BBS9: variants seen among roughly 807,000 people sequenced by gnomAD.
BBS9 encodes the protein Bardet-Biedl syndrome 9, also known as protein PTHB1.
A neutral mutation model predicts 117.7 loss-of-function variants in BBS9; 89 were observed. The observed-to-expected ratio is 0.76, with a 90% CI of 0.64 to 0.90. BBS9 has a LOEUF of 0.90. Among genes scored for constraint, BBS9 ranks in the 40% least tolerant of loss-of-function variants. The probability of loss-of-function intolerance (pLI) is 0.00; values close to 1 mark genes in which losing one functional copy is unlikely to be tolerated. For missense variants in BBS9, 982 were observed against 1,042.2 expected (o/e 0.94, Z 0.80); for synonymous variants, 379 against 370.9 (o/e 1.02, Z -0.25).
At chr7:33,291,507 AT>A (rs562067437) in intron 9 of BBS9, among the ~76,000 whole-genome samples, 5 of 152,056 alleles carry the variant, frequency 3.3e-5, no homozygotes, top group Non-Finnish European at 5.9e-5. Context: ...ATTTTGAATA[AT>A]TTTTTCAAGA....
intron 4 of BBS9, among the ~76,000 whole-genome samples, chr7:33,173,979 C>T (rs1796974737): frequency 6.6e-6 from 1 of 152,172 alleles, no homozygotes; most frequent in South Asian, 2.1e-4. Context: ...TTTATACCGC[C>T]TGCAATATTT....
chr7:33,234,129 A>G (rs1259307422), intron 5 of BBS9, among the ~76,000 whole-genome samples: 1 of 152,108 alleles, frequency 6.6e-6, no homozygotes, highest in African/African-American at 2.4e-5. Flanking sequence ...TTTGTGTTCA[A>G]TTAACCCTAA....
chr7:33,527,820 C>T (rs1314234774), intron 20 of BBS9, among the ~76,000 whole-genome samples: 1 of 152,084 alleles, frequency 6.6e-6, no homozygotes, highest in African/African-American at 2.4e-5. Context: ...CATTTTGAGC[C>T]CTCTTTGCAT....
chr7:33,414,822 G>C (rs971710924), intron 19 of BBS9, among the ~76,000 whole-genome samples: 1 of 145,502 alleles, frequency 6.9e-6, no homozygotes, highest in African/African-American at 2.6e-5. Flanking sequence ...TGTTGGGCCA[G>C]GTTCTGTGTA....
At chr7:33,214,365 GA>G (rs1168361768) in intron 5 of BBS9, among the ~76,000 whole-genome samples, 3 of 152,190 alleles carry the variant, frequency 2.0e-5, no homozygotes, top group African/African-American at 7.2e-5. Flanking sequence ...AGGCATCTGT[GA>G]TTCAAGACTG....
intron 9 of BBS9, among the ~76,000 whole-genome samples, chr7:33,304,486 C>A (rs377212094): frequency 6.7e-6 from 1 of 150,040 alleles, no homozygotes; most frequent in Non-Finnish European, 1.5e-5. Flanking sequence ...AAATGAGGAG[C>A]GCCTCTGCCT....
At position 33,349,097 on chromosome 7, in the gene BBS9, A is replaced by G. The variant is rs1265114143; in HGVS notation, c.1359A>G (p.Gln453=). 3 of 1,612,992 alleles carry G rather than the reference A, an allele frequency of 1.9e-6. No individual in the cohort carries two copies. Among genetic ancestry groups the G allele is most frequent in the East Asian group, 4.5e-5 (2 of 44,794 alleles). The change falls in exon 13 of 23, where the codon CAA becomes CAG. Residue 453 remains glutamine, a synonymous_variant. Transcript: ENST00000242067. ...KVTLQNRVIL[Q]KAKLSVYVQP... ...CACTGCAGAACAGAGTGATATTGCA[A>G]AAAGCCAAATTATCAGTCTACGTGC...
intron 9 of BBS9, among the ~76,000 whole-genome samples, chr7:33,303,097 G>A (rs1469560763): frequency 2.0e-5 from 3 of 152,094 alleles, no homozygotes; most frequent in Non-Finnish European, 4.4e-5. Flanking sequence ...AAATGCTACT[G>A]ATTTTTGTAT....
chr7:33,525,786 T>A (rs1381685469), intron 20 of BBS9, among the ~76,000 whole-genome samples: 1 of 137,544 alleles, frequency 7.3e-6, no homozygotes, highest in East Asian at 2.1e-4. Context: ...TTTGATCCTG[T>A]CATTATGATG....
chr7:33,466,063 G>GATAT (rs1341522312), intron 19 of BBS9, among the ~76,000 whole-genome samples: 3 of 151,604 alleles, frequency 2.0e-5, no homozygotes, highest in Non-Finnish European at 4.4e-5. Context: ...TTTTGAGAGA[G>GATAT]AGATATATAT....
chr7:33,534,320 C>T, intron 21 of BBS9, 144 bp downstream of exon 21: 1 of 821,040 alleles, frequency 1.2e-6, no homozygotes, highest in Non-Finnish European at 2.0e-6. Flanking sequence ...CCTCTGACAT[C>T]CCAGGGTAAC....
chr7:33,516,444 G>T (rs1207013134), intron 20 of BBS9, among the ~76,000 whole-genome samples: 1 of 126,364 alleles, frequency 7.9e-6, no homozygotes, highest in African/African-American at 3.1e-5. Flanking sequence ...AGCTAAAATT[G>T]CACCACTGCA....
rs756407829 is a variant in BBS9, at chr7:33,533,973, A to G, written c.2318A>G (p.Asp773Gly). ...ATCCAGGGCTGGGAAGAAACGGTGG[A>G]TGCCGCCATTTCCCACCTGTTGAAG... ...TQELGWEETV[D>G]AAISHLLKTC... Residue 773 changes from aspartate to glycine, a missense_variant, in exon 21 of 23, where the codon GAT becomes GGT. By Grantham distance (94) the Asp-to-Gly change is moderately conservative. Coordinates refer to ENST00000242067, the MANE Select transcript of BBS9 (RefSeq NM_198428.3). 5.6e-6 allele frequency: 9 copies of G among 1,614,220 alleles called. No homozygotes were observed. The South Asian group carries it at 8.8e-5, about 16-fold the overall frequency.
At chr7:33,377,022 T>G (rs1393058733) in intron 17 of BBS9, among the ~76,000 whole-genome samples, 1 of 152,174 alleles carries the variant, frequency 6.6e-6, no homozygotes. Context: ...TGATAGTTTC[T>G]TTTGCTGTGC....
intron 19 of BBS9, among the ~76,000 whole-genome samples, chr7:33,473,327 TCACCCCCCC>T (rs1841338480): frequency 2.8e-5 from 1 of 35,218 alleles, no homozygotes; most frequent in African/African-American, 1.0e-4. Context: ...CCCCACCCCC[TCACCCCCCC>T]GCCCCGAGGC....
intron 16 of BBS9, among the ~76,000 whole-genome samples, chr7:33,364,846 A>T (rs936353078): frequency 6.6e-6 from 1 of 150,856 alleles, no homozygotes; most frequent in African/African-American, 2.4e-5. Context: ...CTCCGACCTC[A>T]GCCTCCCAAG....
chr7:33,526,837 T>C (rs1318243762), intron 20 of BBS9, among the ~76,000 whole-genome samples: 1 of 151,820 alleles, frequency 6.6e-6, no homozygotes, highest in African/African-American at 2.4e-5. Context: ...CTTTTTAGAG[T>C]TTCCAGTTTT....
intron 20 of BBS9, among the ~76,000 whole-genome samples, chr7:33,519,671 T>C (rs1848320814): frequency 6.6e-6 from 1 of 152,320 alleles, no homozygotes; most frequent in Non-Finnish European, 1.5e-5. Context: ...GTTCTGCGAA[T>C]ATGTTAATTA....
At chr7:33,189,306 A>G (rs533897248) in intron 5 of BBS9, among the ~76,000 whole-genome samples, 40 of 152,272 alleles carry the variant, frequency 2.6e-4, no homozygotes, top group Admixed American at 1.8e-3. Flanking sequence ...GGCATGAGCC[A>G]TTGTGCCTGG....
Sources: allele counts gnomAD v4.1 joint callset (sites outside exome capture counted in the v4.1 genomes callset), GRCh38; gene constraint gnomAD v4.1.1; transcripts MANE v1.5; gene names NCBI Gene and HGNC (gene_info 2026-07-23, HGNC 2026-07-21).